The following MAST4 variants were observed in gnomAD, a reference collection of about 807,000 sequenced individuals.
MAST4 encodes the protein microtubule associated serine/threonine kinase family member 4, also known as microtubule-associated serine/threonine-protein kinase 4.
MAST4 carries 89 observed loss-of-function variants against 162.7 expected under a neutral mutation model. The ratio of observed to expected loss-of-function variants is 0.55; its 90% CI spans 0.46 to 0.65. The LOEUF is 0.65. Ranked by LOEUF, MAST4 falls within the 30% of genes least tolerant of loss-of-function variation. The pLI, the probability that MAST4 is intolerant of heterozygous loss-of-function variation, is 0.00. For synonymous variants in MAST4, 1,479 were observed against 1,361.1 expected (o/e 1.09, Z -1.91); for missense variants, 3,153 against 3,374.0 (o/e 0.93, Z 1.62).
At position 67,166,361 on chromosome 5, in the gene MAST4, G is replaced by A. The variant is rs1460675048; in HGVS notation, c.7182G>A (p.Val2394=). The A allele has an allele frequency of 1.2e-6, 2 of 1,610,988 alleles. No homozygotes were observed. Among genetic ancestry groups the A allele is most frequent in the Non-Finnish European group, 1.7e-6 (2 of 1,178,588 alleles). Residue 2394 remains valine (V), a synonymous_variant, in exon 29 of 29, where the codon GTG becomes GTA. Transcript: ENST00000403625. ...AGCTCGAGGCCGGCCTTTCCTTTGTGCATAGCGAGAACCGGTTGAAAGGCG... is the reference window on the plus strand; with the variant it reads ...AGCTCGAGGCCGGCCTTTCCTTTGTACATAGCGAGAACCGGTTGAAAGGCG... ...GDKLEAGLSF[V]HSENRLKGAE... is the part of the protein sequence containing the mutation.
At chr5:66,797,499 G>C (rs1242089844) in intron 3 of MAST4, among the ~76,000 whole-genome samples, 1 of 152,130 alleles carries the variant, frequency 6.6e-6, no homozygotes, top group Non-Finnish European at 1.5e-5. Flanking sequence ...TGTTCCCCAG[G>C]ATGCTTATTG....
intron 1 of MAST4, among the ~76,000 whole-genome samples, chr5:66,704,721 C>CT (rs1335859792): frequency 1.3e-5 from 2 of 152,032 alleles, no homozygotes; most frequent in Non-Finnish European, 2.9e-5. Context: ...AGGATGGTCT[C>CT]TATCTCCTGA....
At chr5:66,705,283 G>T (rs1750058563) in intron 1 of MAST4, among the ~76,000 whole-genome samples, 1 of 152,056 alleles carries the variant, frequency 6.6e-6, no homozygotes, top group Non-Finnish European at 1.5e-5. Context: ...ATTTTTAATG[G>T]GTATAGCATG....
chr5:66,974,488 T>C (rs1747872218), intron 4 of MAST4, among the ~76,000 whole-genome samples: 1 of 152,244 alleles, frequency 6.6e-6, no homozygotes, highest in Non-Finnish European at 1.5e-5. Context: ...ATTTTGCTTC[T>C]AGTAGTTTTC....
chr5:66,694,678 G>A (rs1021848272), intron 1 of MAST4, among the ~76,000 whole-genome samples: 3 of 151,966 alleles, frequency 2.0e-5, no homozygotes, highest in Non-Finnish European at 4.4e-5. Flanking sequence ...GTAGAGATGG[G>A]TTTTCGCCAT....
chr5:67,065,762 A>G (rs151237300), intron 5 of MAST4, among the ~76,000 whole-genome samples: 1 of 152,370 alleles, frequency 6.6e-6, no homozygotes, highest in East Asian at 1.9e-4. Flanking sequence ...GCATAATTGT[A>G]GTTTCAGCTT....
Position 66,753,204 on chromosome 5 carries a change from G to T in MAST4, c.364-6505G>T, listed in dbSNP as rs154651. Among the ~76,000 whole-genome samples, 180 of 152,294 alleles carry T rather than the reference G, an allele frequency of 1.2e-3. 3 individuals are homozygous for T. The East Asian group carries it at 0.03, about 25-fold the overall frequency. ...AATGCCCAAAAGAGAAAGCAGGAAA[G>T]ATCCAAAATTGACACCCTAATATCA... On this transcript the variant is annotated intron_variant, in intron 1 of 28. Coordinates refer to ENST00000403625, the MANE Select transcript of MAST4 (RefSeq NM_001164664.2).
intron 5 of MAST4, among the ~76,000 whole-genome samples, chr5:67,076,662 C>G (rs374849362): frequency 3.3e-5 from 5 of 152,176 alleles, no homozygotes; most frequent in African/African-American, 1.2e-4. Flanking sequence ...TGACAGAGAA[C>G]TGGGAGCCTG....
intron 4 of MAST4, among the ~76,000 whole-genome samples, chr5:66,934,856 C>T (rs903745079): frequency 1.3e-5 from 2 of 152,058 alleles, no homozygotes; most frequent in Non-Finnish European, 2.9e-5. Flanking sequence ...AGGTCTCTGC[C>T]GTCAGTGGTA....
In MAST4 at chr5:66,803,939, CT is replaced by C. The variant is rs754158083; in HGVS notation, c.642+15156del. ...TACTGAGTATGATAAATGCTATGGG[CT>C]TTTTTTTTTTAAAAAGCTCTGTATC... On this transcript the variant is annotated intron_variant, in intron 3 of 28. Coordinates refer to ENST00000403625, the MANE Select transcript of MAST4 (RefSeq NM_001164664.2). 7.6e-4 allele frequency among the ~76,000 whole-genome samples: 111 copies of C among 146,936 alleles called. 1 individual carries two copies. Among genetic ancestry groups the C allele is most frequent in the East Asian group, 7.9e-4 (4 of 5,064 alleles).
At chr5:66,772,327 C>T (rs1408797978) in intron 2 of MAST4, among the ~76,000 whole-genome samples, 1 of 152,108 alleles carries the variant, frequency 6.6e-6, no homozygotes, top group Non-Finnish European at 1.5e-5. Flanking sequence ...TTTTCCCTTT[C>T]TTCATGTTTC....
chr5:67,144,210 ATTC>A (rs1483266446), intron 21 of MAST4, among the ~76,000 whole-genome samples: 1 of 152,080 alleles, frequency 6.6e-6, no homozygotes, highest in Non-Finnish European at 1.5e-5. Context: ...CAGATAATTT[ATTC>A]TTCTGTTTGC....
chr5:66,973,368 T>G (rs908352110), intron 4 of MAST4, among the ~76,000 whole-genome samples: 9 of 152,196 alleles, frequency 5.9e-5, no homozygotes, highest in African/African-American at 1.9e-4. Context: ...TTAGTCTCCT[T>G]CAATTGAGAA....
chr5:67,139,255 C>G (rs1770074458), intron 19 of MAST4, among the ~76,000 whole-genome samples: 1 of 152,054 alleles, frequency 6.6e-6, no homozygotes, highest in African/African-American at 2.4e-5. Context: ...ATTTAGTGGG[C>G]AAAATAATGC....
chr5:66,923,731 C>A (rs904927898), intron 4 of MAST4, among the ~76,000 whole-genome samples: 1 of 152,184 alleles, frequency 6.6e-6, no homozygotes, highest in Non-Finnish European at 1.5e-5. Context: ...TAGAAATCAT[C>A]CTGCCTGTGT....
rs1336951683 is a variant in MAST4, at chr5:66,630,532, A to G, written c.363+33514A>G. 2.0e-5 allele frequency among the ~76,000 whole-genome samples: 3 copies of G among 152,168 alleles called. No homozygotes were observed. In the East Asian group the frequency reaches 5.8e-4, roughly 29 times the overall value. ...AACAAAGTTGTAAGGGGAGTTTAAT[A>G]TAGGTTATAAAACAAATTTACAAAC... On this transcript the variant is annotated intron_variant, in intron 1 of 28. Transcript: ENST00000403625.
At chr5:66,683,655 C>G (rs1261385595) in intron 1 of MAST4, among the ~76,000 whole-genome samples, 2 of 152,160 alleles carry the variant, frequency 1.3e-5, no homozygotes, top group African/African-American at 4.8e-5. Flanking sequence ...AAAAACCACT[C>G]CGGATACATA....
chr5:66,963,793 C>A (rs1448231222), intron 4 of MAST4: 1 of 779,792 alleles, frequency 1.3e-6, no homozygotes, highest in Admixed American at 1.7e-5. Context: ...TGGAGGTAAG[C>A]ATGCTCCAGG....
At position 67,121,197 on chromosome 5, in the gene MAST4, T is replaced by A. The variant is rs1040912888; in HGVS notation, c.1745+95T>A. 25 of 998,132 alleles carry A rather than the reference T, an allele frequency of 2.5e-5. No individual in the cohort carries two copies. The African/African-American group carries it at 2.9e-4, about 12-fold the overall frequency. The allele number at this position is 998,132 out of a possible 1,614,324, so 61.8% of individuals were successfully genotyped here. A position where few individuals can be genotyped will look rare whatever the true frequency, so the allele number is the denominator to read the frequency against. On this transcript the variant is annotated intron_variant, in intron 14 of 28. Coordinates refer to ENST00000403625, the MANE Select transcript of MAST4 (RefSeq NM_001164664.2). Reference sequence around the variant, plus strand: ...TATCTAAGGCCAAATAGAAGCTGTATAGGGACTTGACTTTTCAGATCACTG... The same window carrying A: ...TATCTAAGGCCAAATAGAAGCTGTAAAGGGACTTGACTTTTCAGATCACTG...
Sources: gnomAD v4.1 joint callset for allele counts (sites outside exome capture counted in the v4.1 genomes callset) on GRCh38, gnomAD v4.1.1 for gene constraint, MANE v1.5 for transcripts, NCBI Gene and HGNC (gene_info 2026-07-23, HGNC 2026-07-21) for gene names.